The following SYBU variants were observed in gnomAD, a reference collection of about 807,000 sequenced individuals.
SYBU encodes syntabulin.
In SYBU, 21 loss-of-function variants were observed where a neutral mutation model predicts 35.9. The observed-to-expected ratio is 0.58, with a 90% CI of 0.41 to 0.84. The LOEUF (loss-of-function observed/expected upper bound fraction) is 0.84. Among genes scored for constraint, SYBU ranks in the 40% least tolerant of loss-of-function variants. The probability of loss-of-function intolerance (pLI) is 0.00; values close to 1 mark genes in which losing one functional copy is unlikely to be tolerated. For synonymous variants in SYBU, 319 were observed against 324.3 expected (o/e 0.98, Z 0.18); for missense variants, 768 against 848.2 (o/e 0.91, Z 1.17).
chr8:109,652,583 G>T (rs57877857), intron 1 of SYBU, among the ~76,000 whole-genome samples: 20 of 152,222 alleles, frequency 1.3e-4, no homozygotes, highest in African/African-American at 4.1e-4. Flanking sequence ...TTGTTAATTA[G>T]CAATAGTTGA....
intron 2 of SYBU, among the ~76,000 whole-genome samples, chr8:109,628,702 G>T (rs1467296480): frequency 6.6e-6 from 1 of 151,744 alleles, no homozygotes; most frequent in Non-Finnish European, 1.5e-5. Context: ...CATGTCTATA[G>T]TCCCGGCTAT....
In SYBU at chr8:109,579,871, C is replaced by G; in HGVS notation, c.662G>C (p.Ser221Thr). ...ACTGCTTGGGGAAGAAGGTGCATAACTGGGATGGATATTGACAGGGCTCAG... is the reference window on the plus strand; with the variant it reads ...ACTGCTTGGGGAAGAAGGTGCATAAGTGGGATGGATATTGACAGGGCTCAG... ...NQLSPVNIHPSYAPSSPSSSN... is the reference protein window; with the variant it reads ...NQLSPVNIHPTYAPSSPSSSN... The change falls in exon 5 of 7, where the codon AGT (serine) becomes ACT (threonine). Residue 221 changes from serine to threonine, a missense_variant. Coordinates refer to ENST00000276646, the MANE Select transcript of SYBU (RefSeq NM_001099754.2). 6.2e-7 allele frequency: 1 copy of G among 1,604,924 alleles called. No homozygotes were observed. The highest frequency in any genetic ancestry group is 1.3e-5 in the African/African-American group (1 of 74,600).
chr8:109,642,995 C>G, intron 1 of SYBU, 63 bp from the exon 2 acceptor site: 1 of 1,455,462 alleles, frequency 6.9e-7, no homozygotes. Flanking sequence ...TAACTCCTGT[C>G]GGTTCCTTCA....
chr8:109,628,628 C>T (rs968237995), intron 2 of SYBU, among the ~76,000 whole-genome samples: 5 of 152,130 alleles, frequency 3.3e-5, no homozygotes, highest in Non-Finnish European at 5.9e-5. Flanking sequence ...TAGGCATGAG[C>T]GGCTGCACCC....
intron 3 of SYBU, among the ~76,000 whole-genome samples, chr8:109,587,639 G>A (rs895622921): frequency 6.6e-6 from 1 of 152,202 alleles, no homozygotes; most frequent in Non-Finnish European, 1.5e-5. Context: ...GCCTCTGTTA[G>A]TTTTGCTAGA....
rs1049766719 is a variant in SYBU, at chr8:109,667,224, C to T, written c.-129+13487G>A. ...CTCCACCTCCCGGGTTCAGGCCATT[C>T]TCCTGCCTCAGCCTCCCGAGTAGCT... On this transcript the variant is annotated intron_variant, in intron 1 of 5. Transcript: ENST00000408889. Among the ~76,000 whole-genome samples the T allele has an allele frequency of 2.0e-5, 3 of 152,136 alleles. No homozygotes were observed. The East Asian group carries it at 5.8e-4, about 29-fold the overall frequency.
chr8:109,645,247 C>G (rs1029600528), upstream of SYBU: 1 of 456,638 alleles, frequency 2.2e-6, no homozygotes, highest in Non-Finnish European at 4.4e-6. Flanking sequence ...TACAGCTCCC[C>G]ACAACTGCCT....
At chr8:109,652,374 C>T (rs201975950) in intron 1 of SYBU, among the ~76,000 whole-genome samples, 1 of 145,940 alleles carries the variant, frequency 6.9e-6, no homozygotes, top group African/African-American at 2.6e-5. Context: ...CCTTCTTTTT[C>T]TACTCTCTCT....
chr8:109,665,575 T>G (rs1816723949), intron 1 of SYBU, among the ~76,000 whole-genome samples: 1 of 152,236 alleles, frequency 6.6e-6, no homozygotes, highest in South Asian at 2.1e-4. Context: ...GGTGAAAAGC[T>G]TCACTTTTGA....
chr8:109,616,439 C>T (rs1274623839), intron 3 of SYBU, among the ~76,000 whole-genome samples: 3 of 152,114 alleles, frequency 2.0e-5, no homozygotes, highest in African/African-American at 7.2e-5. Flanking sequence ...TGTATATATA[C>T]ACAGAGTTTT....
rs73314610 is a variant in SYBU at position 109,691,163 on chromosome 8, C to A, written c.-58+170G>T. On this transcript the variant is annotated intron_variant, in intron 1 of 7. Transcript: ENST00000422135. This position sits in a 1 kb window ranked among gnomAD's most constrained non-coding sequence, Gnocchi z 4.7. ...AGTGCCCTTGATTCCCCATTTTCCA[C>A]GACCTTCTTCTGTGCATCGCCGAGC... Among the ~76,000 whole-genome samples the A allele has an allele frequency of 0.012, 1,760 of 152,332 alleles. 17 individuals carry two copies. The highest frequency in any genetic ancestry group is 0.04 in the African/African-American group (1,669 of 41,578).
At chr8:109,583,982 T>C (rs1046157685) in intron 4 of SYBU, among the ~76,000 whole-genome samples, 2 of 151,876 alleles carry the variant, frequency 1.3e-5, no homozygotes, top group Non-Finnish European at 2.9e-5. Flanking sequence ...CTAATTTTTT[T>C]TTTTTTTGTA....
chr8:109,645,246 C>T, upstream of SYBU: 1 of 456,742 alleles, frequency 2.2e-6, no homozygotes, highest in Non-Finnish European at 4.4e-6. Context: ...CTACAGCTCC[C>T]CACAACTGCC....
intron 3 of SYBU, among the ~76,000 whole-genome samples, chr8:109,610,218 A>C (rs1448354927): frequency 6.6e-6 from 1 of 151,940 alleles, no homozygotes; most frequent in Non-Finnish European, 1.5e-5. Flanking sequence ...TCACCATCTG[A>C]ACTTATCTTG....
chr8:109,644,031 T>C, intron 1 of SYBU: 1 of 453,488 alleles, frequency 2.2e-6, no homozygotes, highest in Non-Finnish European at 4.4e-6. Context: ...CATGACCTAC[T>C]GTTCCTTCCA....
rs113307889 is a variant in SYBU, at chr8:109,577,874, T to A, written c.878A>T (p.His293Leu). The A allele has an allele frequency of 1.2e-5, 20 of 1,612,612 alleles. 1 individual carries two copies. The highest frequency in any genetic ancestry group is 1.7e-4 in the Middle Eastern group (1 of 6,058). ...TCAAGGAAGGCAGATTCACCTTTCA[T>A]GGAGTCGGCGCTCAGATTCCTTCAG... ...TKLKESERRL[H>L]ERESEIVELK... The change falls in exon 6 of 7, where the codon CAT (histidine) becomes CTT (leucine). Residue 293 changes from histidine (H) to leucine (L), a missense_variant. His to Leu is a moderately conservative substitution (Grantham distance 99, BLOSUM62 -3). Transcript: ENST00000276646.
intron 3 of SYBU, among the ~76,000 whole-genome samples, chr8:109,597,359 G>A (rs867935017): frequency 6.6e-6 from 1 of 152,132 alleles, no homozygotes; most frequent in Non-Finnish European, 1.5e-5. Flanking sequence ...AGTTGCAAGC[G>A]AAGAAAAGAT....
At chr8:109,617,634 T>C (rs1412071119) in intron 3 of SYBU, among the ~76,000 whole-genome samples, 1 of 152,214 alleles carries the variant, frequency 6.6e-6, no homozygotes, top group Non-Finnish European at 1.5e-5. Flanking sequence ...CTCAACACCC[T>C]TTGTATCATC....
intron 3 of SYBU, among the ~76,000 whole-genome samples, chr8:109,605,333 G>C (rs537922805): frequency 2.0e-5 from 3 of 152,192 alleles, no homozygotes; most frequent in Non-Finnish European, 4.4e-5. Context: ...GCTTATTCTA[G>C]CTAGGCCATC....
Sources: allele counts gnomAD v4.1 joint callset (sites outside exome capture counted in the v4.1 genomes callset), GRCh38; gene constraint gnomAD v4.1.1; non-coding constraint Gnocchi (gnomAD v3.1); transcripts MANE v1.5; gene names NCBI Gene and HGNC (gene_info 2026-07-23, HGNC 2026-07-21).